The following RALYL variants were observed in gnomAD, a reference collection of about 807,000 sequenced individuals.
RALYL encodes the protein RALY RNA binding protein like, also known as RNA-binding Raly-like protein.
In RALYL, 29 loss-of-function variants were observed where a neutral mutation model predicts 35.1. The ratio of observed to expected loss-of-function variants is 0.83; its 90% CI spans 0.61 to 1.13. RALYL has a LOEUF of 1.13. Ranked by LOEUF, RALYL falls within the 50% of genes most tolerant of loss-of-function variation. The probability of loss-of-function intolerance (pLI) is 0.00; values close to 1 mark genes in which losing one functional copy is unlikely to be tolerated. For missense variants in RALYL, 359 were observed against 360.4 expected, an observed-to-expected ratio of 1.00 and a Z score of 0.03; for synonymous variants, 120 against 127.6, an observed-to-expected ratio of 0.94 and a Z score of 0.40.
chr8:84,419,815 G>C (rs931455939), intron 1 of RALYL, among the ~76,000 whole-genome samples: 9 of 150,536 alleles, frequency 6.0e-5, no homozygotes, highest in Non-Finnish European at 8.8e-5. Context: ...TTGTTCTTGC[G>C]ATAGTTTACT....
chr8:84,209,151 A>G (rs758318628), intron 1 of RALYL, among the ~76,000 whole-genome samples: 1 of 151,304 alleles, frequency 6.6e-6, no homozygotes, highest in Non-Finnish European at 1.5e-5. Flanking sequence ...AAAAGAAAAG[A>G]AAAGAAAAAC....
chr8:84,277,855 T>A, intron 1 of RALYL, among the ~76,000 whole-genome samples: 1 of 152,224 alleles, frequency 6.6e-6, no homozygotes, highest in Non-Finnish European at 1.5e-5. Context: ...TCCACCCCTG[T>A]GGCCTTGCAG....
At chr8:84,229,869 T>A (rs1254381148) in intron 1 of RALYL, among the ~76,000 whole-genome samples, 1 of 152,150 alleles carries the variant, frequency 6.6e-6, no homozygotes, top group Non-Finnish European at 1.5e-5. Flanking sequence ...CTTGCAGTGA[T>A]TTTCTCCCCA....
chr8:84,362,051 A>C (rs1213813590), intron 1 of RALYL, among the ~76,000 whole-genome samples: 1 of 152,200 alleles, frequency 6.6e-6, no homozygotes, highest in African/African-American at 2.4e-5. Flanking sequence ...TATGCAGTAG[A>C]AAATTAATAA....
intron 4 of RALYL, among the ~76,000 whole-genome samples, chr8:84,840,189 G>C (rs1348187737): frequency 6.7e-6 from 1 of 150,042 alleles, no homozygotes; most frequent in African/African-American, 2.5e-5. Context: ...GAGGAAGTTT[G>C]AACCCATGGC....
chr8:84,254,863 G>A (rs1349983857), intron 1 of RALYL, among the ~76,000 whole-genome samples: 1 of 151,816 alleles, frequency 6.6e-6, no homozygotes, highest in Non-Finnish European at 1.5e-5. Flanking sequence ...TTCACAAGGT[G>A]GCAGGAAGAA....
At position 84,508,872 on chromosome 8, in the gene RALYL, G is replaced by A. The variant is rs574187568; in HGVS notation, c.-23-20427G>A. On this transcript the variant is annotated intron_variant, in intron 1 of 8. Coordinates refer to ENST00000521268, the MANE Select transcript of RALYL (RefSeq NM_173848.7). ...ATAAAAACAATCTTTTCAAAAAGTC[G>A]TGTATATTTTTATAGAATTGAAGGA... 1.7e-3 allele frequency among the ~76,000 whole-genome samples: 258 copies of A among 152,002 alleles called. 1 individual carries two copies. Among genetic ancestry groups the A allele is most frequent in the African/African-American group, 5.5e-3 (229 of 41,490 alleles).
chr8:84,659,764 G>A (rs1830570079), intron 2 of RALYL, among the ~76,000 whole-genome samples: 1 of 152,034 alleles, frequency 6.6e-6, no homozygotes, highest in Non-Finnish European at 1.5e-5. Context: ...TATTCAACCT[G>A]TTGAAATTTG....
At chr8:84,621,797 G>GAC (rs1258241372) in intron 2 of RALYL, among the ~76,000 whole-genome samples, 99 of 152,300 alleles carry the variant, frequency 6.5e-4, no homozygotes, top group African/African-American at 2.1e-3. Context: ...AATTCAGACA[G>GAC]ATTCTCAAGG....
chr8:84,339,816 G>A (rs1848471221), intron 1 of RALYL, among the ~76,000 whole-genome samples: 1 of 152,016 alleles, frequency 6.6e-6, no homozygotes, highest in Admixed American at 6.6e-5. Flanking sequence ...AGACAACTTA[G>A]TACGAAATCT....
intron 4 of RALYL, among the ~76,000 whole-genome samples, chr8:84,827,833 C>T (rs532847844): frequency 6.6e-6 from 1 of 151,920 alleles, no homozygotes; most frequent in Non-Finnish European, 1.5e-5. Context: ...TTAAAAAGTA[C>T]GTTAGATGTC....
At chr8:84,864,227 C>T (rs961189265) in intron 6 of RALYL, among the ~76,000 whole-genome samples, 3 of 151,130 alleles carry the variant, frequency 2.0e-5, no homozygotes, top group Admixed American at 1.3e-4. Context: ...GTGTAAGATG[C>T]GACAGTCTTG....
At chr8:84,736,947 G>T (rs1424486829) in intron 2 of RALYL, among the ~76,000 whole-genome samples, 1 of 151,938 alleles carries the variant, frequency 6.6e-6, no homozygotes, top group Non-Finnish European at 1.5e-5. Flanking sequence ...AACACATTTT[G>T]AAGGATGAAA....
chr8:84,273,605 A>T (rs1834761261), intron 1 of RALYL, among the ~76,000 whole-genome samples: 1 of 152,254 alleles, frequency 6.6e-6, no homozygotes, highest in East Asian at 1.9e-4. Context: ...AAGGATGCGT[A>T]CATGTCTGTC....
At chr8:84,216,634 G>T (rs1563548507) in intron 1 of RALYL, among the ~76,000 whole-genome samples, 2 of 142,760 alleles carry the variant, frequency 1.4e-5, no homozygotes, top group Non-Finnish European at 2.9e-5. Context: ...GAAATATTAA[G>T]TAAGTGTCCA....
chr8:84,231,003 G>T (rs923843288), intron 1 of RALYL, among the ~76,000 whole-genome samples: 2 of 152,168 alleles, frequency 1.3e-5, no homozygotes, highest in Non-Finnish European at 2.9e-5. Flanking sequence ...GGATATTAGG[G>T]ATGCCAAGAA....
chr8:84,489,838 G>C (rs1480416275), intron 1 of RALYL, among the ~76,000 whole-genome samples: 1 of 151,994 alleles, frequency 6.6e-6, no homozygotes, highest in African/African-American at 2.4e-5. Flanking sequence ...AAATAAACAA[G>C]TGTTGGCCAT....
At chr8:84,193,943 C>T (rs368025061) in intron 1 of RALYL, among the ~76,000 whole-genome samples, 78 of 152,024 alleles carry the variant, frequency 5.1e-4, no homozygotes, top group Admixed American at 3.9e-3. Context: ...GGCAGCTCTA[C>T]GAGATGAACA....
intron 3 of RALYL, among the ~76,000 whole-genome samples, chr8:84,801,411 C>T (rs1823230144): frequency 6.6e-6 from 1 of 152,186 alleles, no homozygotes; most frequent in South Asian, 2.1e-4. Context: ...CTTGTCTAAA[C>T]AGAGTACAGG....
Sources: gnomAD v4.1 joint callset for allele counts (sites outside exome capture counted in the v4.1 genomes callset) on GRCh38, gnomAD v4.1.1 for gene constraint, MANE v1.5 for transcripts, NCBI Gene and HGNC (gene_info 2026-07-23, HGNC 2026-07-21) for gene names.